COMT: variants seen among roughly 807,000 people sequenced by gnomAD.
COMT encodes the protein catechol-O-methyltransferase.
In COMT, 13 loss-of-function variants were observed where a neutral mutation model predicts 18.9. The observed-to-expected ratio is 0.69, with a 90% CI of 0.45 to 1.09. The LOEUF (loss-of-function observed/expected upper bound fraction) is 1.09, where lower values mean the gene tolerates loss of function less well. COMT is among the 50% of genes least tolerant of loss of function. The pLI is 0.00. For synonymous variants in COMT, 150 were observed against 160.9 expected (o/e 0.93, Z 0.51); for missense variants, 329 against 361.8 (o/e 0.91, Z 0.73).
intron 1 of COMT, among the ~76,000 whole-genome samples, chr22:19,954,112 T>G (rs1245378390): frequency 6.6e-6 from 1 of 152,074 alleles, no homozygotes; most frequent in African/African-American, 2.4e-5. Flanking sequence ...CATCTGCCTC[T>G]TGGTGTGTCT....
At chr22:19,965,974 C>T (rs896106755) in intron 5 of COMT, among the ~76,000 whole-genome samples, 3 of 152,246 alleles carry the variant, frequency 2.0e-5, no homozygotes, top group Non-Finnish European at 4.4e-5. Flanking sequence ...ACACCCACAG[C>T]TGGGCCTGCG....
At chr22:19,950,804 C>G (rs1941917848) in intron 1 of COMT, 1 of 152,132 alleles carries the variant, frequency 6.6e-6, no homozygotes, top group Non-Finnish European at 1.5e-5. Context: ...CACTGATGTT[C>G]CAAATTATCC....
chr22:19,969,849 G>A lies in COMT; in HGVS notation c.*1113G>A. ...AGACGCGCAGAGGCCCGACACAAGG[G>A]AGAAGCCAGCCACTTGTGCCAGACC... On this transcript the variant is annotated 3_prime_UTR_variant, in exon 6 of 6. Coordinates refer to ENST00000361682, the MANE Select transcript of COMT (RefSeq NM_000754.4). The A allele has an allele frequency of 1.0e-6, 1 of 985,382 alleles. No individual in the cohort carries two copies. The highest frequency in any genetic ancestry group is 1.2e-6 in the Non-Finnish European group (1 of 829,914). 61.0% of individuals were successfully genotyped at this position (985,382 alleles called of 1,614,324 possible).
chr22:19,967,324 G>A (rs4646318), intron 5 of COMT: 38,450 of 757,652 alleles, frequency 0.051, 1,118 homozygotes, highest in East Asian at 0.067. Flanking sequence ...CCCTGCTCAA[G>A]GCCTAGGCCA....
intron 5 of COMT, 63 bp downstream of exon 5, chr22:19,964,362 A>T (rs568198742): frequency 1.5e-5 from 24 of 1,611,346 alleles, no homozygotes; most frequent in Non-Finnish European, 2.0e-5. Flanking sequence ...AGTCAGCCTC[A>T]GCCTCTCCAA....
intron 5 of COMT, chr22:19,967,105 A>C: frequency 7.9e-7 from 1 of 1,270,746 alleles, no homozygotes; most frequent in South Asian, 1.3e-5. Flanking sequence ...GGCAGCCTCC[A>C]AAGGTGACCC....
intron 1 of COMT, among the ~76,000 whole-genome samples, chr22:19,960,092 T>TA (rs1260657941): frequency 6.6e-5 from 10 of 152,264 alleles, no homozygotes; most frequent in Non-Finnish European, 1.3e-4. Flanking sequence ...CCTGCAGATT[T>TA]ATGAACAGAC....
At chr22:19,946,910 G>GGTTTTTTTTTTT (rs763607822) in intron 1 of COMT, among the ~76,000 whole-genome samples, 1 of 117,120 alleles carries the variant, frequency 8.5e-6, no homozygotes, top group African/African-American at 3.4e-5. Context: ...TTTTTTTTTA[G>GGTTTTTTTTTTT]TTTTTTTTTT....
At chr22:19,964,946 A>C in intron 5 of COMT, 1 of 185,970 alleles carries the variant, frequency 5.4e-6, no homozygotes, top group Non-Finnish European at 1.1e-5. Flanking sequence ...GTGATCCTCC[A>C]CTGGGCTTGG....
At chr22:19,953,972 G>A (rs3819619) in intron 1 of COMT, among the ~76,000 whole-genome samples, 32,898 of 152,156 alleles carry the variant, frequency 0.22, 3,983 homozygotes, top group African/African-American at 0.32. Flanking sequence ...GAAGGGAGGG[G>A]AGGGGGCCCC....
intron 1 of COMT, among the ~76,000 whole-genome samples, chr22:19,955,720 G>A (rs1018415147): frequency 3.3e-5 from 5 of 152,236 alleles, no homozygotes; most frequent in South Asian, 4.1e-4. Context: ...GATGAGGCAC[G>A]TCCAAGCCAC....
In COMT at chr22:19,969,876, G is replaced by A; in HGVS notation, c.*1140G>A. On this transcript the variant is annotated 3_prime_UTR_variant, in exon 6 of 6. Coordinates refer to ENST00000361682, the MANE Select transcript of COMT (RefSeq NM_000754.4). ...GAAGCCAGCCACTTGTGCCAGACCTGAGTGGCAGAAAGCAAAAAGTTCCTT... is the reference window on the plus strand; with the variant it reads ...GAAGCCAGCCACTTGTGCCAGACCTAAGTGGCAGAAAGCAAAAAGTTCCTT... The A allele has an allele frequency of 1.0e-6, 1 of 985,462 alleles. No individual in the cohort carries two copies. Among genetic ancestry groups the A allele is most frequent in the Non-Finnish European group, 1.2e-6 (1 of 829,940 alleles). The allele number at this position is 985,462 out of a possible 1,614,324, so 61.0% of individuals were successfully genotyped here. A position where few individuals can be genotyped will look rare whatever the true frequency, so the allele number is the denominator to read the frequency against.
chr22:19,958,847 G>A (rs561792361), intron 1 of COMT, among the ~76,000 whole-genome samples: 14 of 151,702 alleles, frequency 9.2e-5, no homozygotes, highest in African/African-American at 2.7e-4. Flanking sequence ...AGCTGCGACC[G>A]CGCCACTGCA....
chr22:19,951,147 C>T (rs964397768), intron 1 of COMT: 2 of 152,172 alleles, frequency 1.3e-5, no homozygotes, highest in African/African-American at 2.4e-5. Context: ...ATCACGAGGT[C>T]AGGAGATCAA....
intron 1 of COMT, among the ~76,000 whole-genome samples, chr22:19,949,249 G>A (rs763617324): frequency 1.3e-5 from 2 of 151,694 alleles, no homozygotes; most frequent in Non-Finnish European, 1.5e-5. Flanking sequence ...CGATCCTCCT[G>A]CCTCACCCTC....
At chr22:19,958,019 T>C (rs1291497673) in intron 1 of COMT, among the ~76,000 whole-genome samples, 1 of 152,288 alleles carries the variant, frequency 6.6e-6, no homozygotes, top group East Asian at 1.9e-4. Context: ...TACGAGTATC[T>C]GGTTTAGTCC....
chr22:19,951,155 C>G (rs538990524), intron 1 of COMT: 5 of 152,228 alleles, frequency 3.3e-5, no homozygotes, highest in East Asian at 1.9e-4. Context: ...GTCAGGAGAT[C>G]AAGACCATCC....
chr22:19,944,800 C>T lies in COMT; in HGVS notation c.-92+2903C>T, dbSNP rs758313431. Among the ~76,000 whole-genome samples, 15 of 152,148 alleles carry T rather than the reference C, an allele frequency of 9.9e-5. No individual in the cohort carries two copies. The South Asian group carries it at 1.5e-3, about 15-fold the overall frequency. ...TCACACCACTGCACTCCAGCCTGGG[C>T]GACACAGCAAGACTGCGTCTCAAAA... On this transcript the variant is annotated intron_variant, in intron 1 of 5. Transcript: ENST00000361682.
intron 1 of COMT, chr22:19,951,384 G>A (rs552863620): frequency 6.6e-6 from 1 of 150,902 alleles, no homozygotes; most frequent in African/African-American, 2.4e-5. Context: ...AAAAGCCTGG[G>A]ACTCTTAGCG....
Sources: allele counts gnomAD v4.1 joint callset (sites outside exome capture counted in the v4.1 genomes callset), GRCh38; gene constraint gnomAD v4.1.1; transcripts MANE v1.5; gene names NCBI Gene and HGNC (gene_info 2026-07-23, HGNC 2026-07-21).